The following ATP9A variants were observed in gnomAD, a reference collection of about 807,000 sequenced individuals.
ATP9A encodes the protein probable phospholipid-transporting ATPase IIA.
ATP9A carries 52 observed loss-of-function variants against 144.1 expected under a neutral mutation model. The observed-to-expected ratio is 0.36, with a 90% CI of 0.29 to 0.45. The LOEUF is 0.45. Among genes scored for constraint, ATP9A ranks in the 20% least tolerant of loss-of-function variants. ATP9A has a pLI of 1.00. For synonymous variants in ATP9A, 582 were observed against 557.4 expected, an observed-to-expected ratio of 1.04 and a Z score of -0.62; for missense variants, 947 against 1,392.7, an observed-to-expected ratio of 0.68 and a Z score of 5.09.
chr20:51,764,814 T>A (rs1018478707), intron 1 of ATP9A, among the ~76,000 whole-genome samples: 2 of 152,088 alleles, frequency 1.3e-5, no homozygotes, highest in Admixed American at 6.6e-5. Flanking sequence ...CTCCACATCC[T>A]GGGTTCAAGC....
Position 51,674,229 on chromosome 20 carries a change from G to A in ATP9A, c.961C>T (p.Leu321Phe). 3 of 1,613,970 alleles carry A rather than the reference G, an allele frequency of 1.9e-6. No homozygotes were observed. The highest frequency in any genetic ancestry group is 2.5e-6 in the Non-Finnish European group (3 of 1,179,990). The part of the protein sequence containing the change: ...LVVVSLVMVA[L>F]QHFAGRWYLQ... ...TACCAACGGCCTGCAAAGTGCTGAA[G>A]GGCAACCATGACCAGCGAGACCACC... is the stretch of plus-strand genomic sequence containing the variant. Residue 321 changes from leucine to phenylalanine, a missense_variant, in exon 11 of 28, where the codon CTT becomes TTT. Around this residue, in one of 2 missense-constraint regions of ATP9A, gnomAD observed 770 missense variants for 1,047.9 expected, o/e 0.73. Coordinates refer to ENST00000338821, the MANE Select transcript of ATP9A (RefSeq NM_006045.3).
intron 15 of ATP9A, among the ~76,000 whole-genome samples, chr20:51,634,712 G>A (rs746144495): frequency 2.0e-5 from 3 of 151,894 alleles, no homozygotes; most frequent in East Asian, 3.9e-4. Context: ...GAAATTAGCC[G>A]GGCATGGTAG....
intron 4 of ATP9A, among the ~76,000 whole-genome samples, chr20:51,711,703 A>G (rs1192764708): frequency 6.6e-6 from 1 of 152,072 alleles, no homozygotes; most frequent in African/African-American, 2.4e-5. Context: ...AGACATCAAC[A>G]ATGGCTGGGT....
At chr20:51,704,427 T>G (rs2077606929) in intron 4 of ATP9A, among the ~76,000 whole-genome samples, 1 of 152,120 alleles carries the variant, frequency 6.6e-6, no homozygotes, top group African/African-American at 2.4e-5. Context: ...ACCAATGACT[T>G]GTACTAAAAT....
At chr20:51,748,530 C>G (rs1246190125) in intron 1 of ATP9A, among the ~76,000 whole-genome samples, 1 of 152,142 alleles carries the variant, frequency 6.6e-6, no homozygotes, top group African/African-American at 2.4e-5. Flanking sequence ...AAATATTATA[C>G]AAAACTAAAA....
intron 3 of ATP9A, among the ~76,000 whole-genome samples, chr20:51,724,947 G>A (rs2077705875): frequency 1.3e-5 from 2 of 152,170 alleles, no homozygotes; most frequent in Admixed American, 6.5e-5. Context: ...GGGAGCCGAA[G>A]TGTTTGAGAT....
rs1308051327 is a variant in ATP9A at position 51,596,749 on chromosome 20, T to A, written c.*4462A>T. ...ATTTTGATACCAGAATTCATGTTTC[T>A]GTACAAATTAAAATAATCCCCCAAG... On this transcript the variant is annotated 3_prime_UTR_variant, in exon 28 of 28. Coordinates refer to ENST00000338821, the MANE Select transcript of ATP9A (RefSeq NM_006045.3). The A allele has an allele frequency of 6.6e-6, 1 of 152,200 alleles. No individual in the cohort carries two copies. The highest frequency in any genetic ancestry group is 1.5e-5 in the Non-Finnish European group (1 of 68,038). The allele number at this position is 152,200 out of a possible 1,614,324, so 9.4% of individuals were successfully genotyped here.
At chr20:51,760,775 A>T (rs2077876867) in intron 1 of ATP9A, among the ~76,000 whole-genome samples, 2 of 150,514 alleles carry the variant, frequency 1.3e-5, no homozygotes, top group Non-Finnish European at 2.9e-5. Flanking sequence ...CTGTAATCGC[A>T]ACACTTTGGG....
chr20:51,617,404 T>G (rs761180748), intron 22 of ATP9A, 86 bp downstream of exon 22: 30 of 1,363,654 alleles, frequency 2.2e-5, no homozygotes, highest in Non-Finnish European at 3.1e-5. Context: ...ATCTGGAATT[T>G]CCAGAAGGCT....
chr20:51,625,492 G>A (rs2077244609), intron 17 of ATP9A, 130 bp from the exon 18 acceptor site: 10 of 1,034,838 alleles, frequency 9.7e-6, no homozygotes, highest in Non-Finnish European at 1.4e-5. Flanking sequence ...CAGGTGAGCT[G>A]GACCCCACAG....
chr20:51,766,925 G>A (rs2077906620), intron 1 of ATP9A, among the ~76,000 whole-genome samples: 2 of 151,998 alleles, frequency 1.3e-5, no homozygotes, highest in African/African-American at 4.8e-5. Flanking sequence ...ACAATCCGGA[G>A]TTCAATCTCC....
intron 23 of ATP9A, among the ~76,000 whole-genome samples, chr20:51,612,485 C>T (rs918484148): frequency 6.6e-5 from 10 of 152,142 alleles, no homozygotes; most frequent in South Asian, 4.1e-4. Context: ...AGTGCAGTGG[C>T]GCAATCTCAG....
chr20:51,701,209 G>A lies in ATP9A; in HGVS notation c.437-3727C>T, dbSNP rs371966430. ...GTTCCCTCTTAAAATCTAACTCATA[G>A]AAGAGCATGTGTTTTCATTCTTATT... On this transcript the variant is annotated intron_variant, in intron 4 of 27. Coordinates refer to ENST00000338821, the MANE Select transcript of ATP9A (RefSeq NM_006045.3). Among the ~76,000 whole-genome samples the A allele has an allele frequency of 1.3e-4, 20 of 152,290 alleles. 3 individuals carry two copies. Among genetic ancestry groups the A allele is most frequent in the Admixed American group, 2.0e-4 (3 of 15,298 alleles).
chr20:51,693,662 T>C (rs2077558126), intron 7 of ATP9A, among the ~76,000 whole-genome samples: 1 of 152,160 alleles, frequency 6.6e-6, no homozygotes, highest in South Asian at 2.1e-4. Context: ...CTCAGCCTCT[T>C]GAGGAGCGGG....
intron 9 of ATP9A, among the ~76,000 whole-genome samples, chr20:51,687,301 G>A (rs2077527405): frequency 6.6e-6 from 1 of 152,104 alleles, no homozygotes; most frequent in Non-Finnish European, 1.5e-5. Flanking sequence ...GGCAGGCAGT[G>A]GAAATAAAAT....
intron 27 of ATP9A, among the ~76,000 whole-genome samples, chr20:51,602,617 T>C (rs2077147563): frequency 6.6e-6 from 1 of 152,220 alleles, no homozygotes; most frequent in Non-Finnish European, 1.5e-5. Flanking sequence ...AAATCCTTTC[T>C]AGAAACTGGG....
rs376102899 is a variant in ATP9A at position 51,735,106 on chromosome 20, A to G, written c.69-5128T>C. 1.8e-4 allele frequency: 31 copies of G among 169,366 alleles called. No individual in the cohort carries two copies. The South Asian group carries it at 4.0e-3, about 22-fold the overall frequency. 10.5% of individuals were successfully genotyped at this position (169,366 alleles called of 1,614,324 possible). A position where few individuals can be genotyped will look rare whatever the true frequency, so the allele number is the denominator to read the frequency against. Reference sequence around the variant, plus strand: ...CAAACATGAGGACAGAAGGATTGGTATGACCTCTGGGCTGCCGTCTGCATG... The same window carrying G: ...CAAACATGAGGACAGAAGGATTGGTGTGACCTCTGGGCTGCCGTCTGCATG... On this transcript the variant is annotated intron_variant, in intron 1 of 27. Coordinates refer to ENST00000338821, the MANE Select transcript of ATP9A (RefSeq NM_006045.3).
chr20:51,604,539 A>G (rs1312232050), intron 27 of ATP9A, among the ~76,000 whole-genome samples: 2 of 152,222 alleles, frequency 1.3e-5, no homozygotes, highest in Admixed American at 6.5e-5. Context: ...TGTGGCCCAA[A>G]AAAGGTGACA....
intron 3 of ATP9A, among the ~76,000 whole-genome samples, chr20:51,725,395 T>C (rs1434485840): frequency 2.0e-5 from 3 of 152,184 alleles, no homozygotes; most frequent in Non-Finnish European, 4.4e-5. Context: ...GTGCTAGGAC[T>C]ACAGGCATGA....
Sources: gnomAD v4.1 joint callset for allele counts (sites outside exome capture counted in the v4.1 genomes callset) on GRCh38, gnomAD v4.1.1 for gene constraint, gnomAD v4.1.1 regional missense constraint, MANE v1.5 for transcripts, NCBI Gene and HGNC (gene_info 2026-07-23, HGNC 2026-07-21) for gene names.